Variants in HS6ST2 observed in about 807,000 individuals in gnomAD.
HS6ST2 encodes the protein heparan-sulfate 6-O-sulfotransferase 2.
In HS6ST2, 17 loss-of-function variants were observed where a neutral mutation model predicts 33.0. The ratio of observed to expected loss-of-function variants is 0.52; its 90% CI spans 0.35 to 0.77. The LOEUF is 0.77. Among genes scored for constraint, HS6ST2 ranks in the 30% least tolerant of loss-of-function variants. The pLI is 0.01. For synonymous variants in HS6ST2, 248 were observed against 237.1 expected (o/e 1.05, Z -0.42); for missense variants, 519 against 551.7 (o/e 0.94, Z 0.59).
At chrX:132,753,002 A>G (rs1219954886) in intron 2 of HS6ST2, among the ~76,000 whole-genome samples, 1 of 112,434 alleles carries the variant, frequency 8.9e-6, no homozygotes, top group African/African-American at 3.2e-5. Flanking sequence ...GCTCTTTGCG[A>G]GGATGGCTTT....
At chrX:132,798,177 A>G (rs1474803133) in intron 2 of HS6ST2, among the ~76,000 whole-genome samples, 2 of 110,494 alleles carry the variant, frequency 1.8e-5, no homozygotes, top group Non-Finnish European at 3.8e-5. Context: ...GGAAGGAAGC[A>G]AAAGGGGCCC....
chrX:132,844,901 A>G (rs1483703237), intron 2 of HS6ST2, among the ~76,000 whole-genome samples: 1 of 109,792 alleles, frequency 9.1e-6, no homozygotes, highest in Non-Finnish European at 1.9e-5. Flanking sequence ...GCTGAGCACC[A>G]TACGTCGTGC....
At chrX:132,680,365 C>A (rs1227201654) in intron 3 of HS6ST2, among the ~76,000 whole-genome samples, 1 of 110,788 alleles carries the variant, frequency 9.0e-6, no homozygotes, top group East Asian at 2.8e-4. Context: ...ATGACATGTT[C>A]AGTTTTGAGC....
At chrX:132,852,181 C>T (rs1373337527) in intron 2 of HS6ST2, among the ~76,000 whole-genome samples, 1 of 111,342 alleles carries the variant, frequency 9.0e-6, no homozygotes, top group African/African-American at 3.3e-5. Flanking sequence ...GATATGTATC[C>T]TTTGCATTAT....
upstream of HS6ST2, chrX:132,961,176 C>T (rs899282552): frequency 5.5e-5 from 6 of 108,136 alleles, no homozygotes; most frequent in African/African-American, 1.7e-4. Context: ...GTCAAGTGTT[C>T]GGTTTTCCAT....
At chrX:132,660,934 G>A (rs185192647) in intron 4 of HS6ST2, among the ~76,000 whole-genome samples, 21 of 111,832 alleles carry the variant, frequency 1.9e-4, no homozygotes, top group African/African-American at 6.8e-4. Flanking sequence ...AAGGTGAAGG[G>A]GAAGCAAGGC....
At chrX:132,725,358 A>T (rs780838420) in intron 2 of HS6ST2, among the ~76,000 whole-genome samples, 25 of 112,329 alleles carry the variant, frequency 2.2e-4, no homozygotes, top group African/African-American at 8.1e-4. Context: ...TGGGCAAAAG[A>T]TTTAAACAGA....
At position 132,898,577 on chromosome X, in the gene HS6ST2, A is replaced by T. The variant is rs756893241; in HGVS notation, c.947+58231T>A. ...ACTGGACAAAATACATGAAAAAAAA[A>T]TGGCTTTCAGACACTAGACAACAGT... On this transcript the variant is annotated intron_variant, in intron 2 of 4. Coordinates refer to ENST00000370833, the MANE Select transcript of HS6ST2 (RefSeq NM_001394073.1). 8.2e-5 allele frequency among the ~76,000 whole-genome samples: 9 copies of T among 109,714 alleles called. No individual in the cohort carries two copies. The East Asian group carries it at 1.4e-3, about 18-fold the overall frequency.
upstream of HS6ST2, among the ~76,000 whole-genome samples, chrX:132,961,056 C>T (rs1416345352): frequency 9.2e-6 from 1 of 108,299 alleles, no homozygotes; most frequent in African/African-American, 3.4e-5. Context: ...GAGCCAGTTC[C>T]TCTCAGGCAG....
At chrX:132,636,864 C>G (rs768102668) in intron 4 of HS6ST2, among the ~76,000 whole-genome samples, 2 of 111,940 alleles carry the variant, frequency 1.8e-5, no homozygotes, top group Admixed American at 9.5e-5. Flanking sequence ...TAGCCAGGAA[C>G]TGGGGGTGCT....
intron 1 of HS6ST2, 91 bp from the exon 2 acceptor site, chrX:132,957,417 C>T: frequency 1.0e-6 from 1 of 960,190 alleles, no homozygotes; most frequent in Admixed American, 3.8e-5. Context: ...GGAGCCGCTG[C>T]TGCGCCCCTC....
At chrX:132,925,560 C>T (rs182215719) in intron 2 of HS6ST2, among the ~76,000 whole-genome samples, 5 of 111,292 alleles carry the variant, frequency 4.5e-5, no homozygotes, top group Admixed American at 2.9e-4. Flanking sequence ...CAGCTAGTGT[C>T]GGAGTATTGG....
intron 4 of HS6ST2, among the ~76,000 whole-genome samples, chrX:132,667,370 A>G (rs1209915688): frequency 1.8e-5 from 2 of 112,202 alleles, no homozygotes; most frequent in African/African-American, 6.5e-5. Context: ...CAAAATGTGC[A>G]AAGAGAGAGA....
chrX:132,823,072 G>A (rs1325517457), intron 2 of HS6ST2, among the ~76,000 whole-genome samples: 1 of 112,276 alleles, frequency 8.9e-6, no homozygotes, highest in Non-Finnish European at 1.9e-5. Context: ...GTTACAAACT[G>A]CAAGACTTTG....
chrX:132,677,938 G>A (rs2063936389), intron 3 of HS6ST2, among the ~76,000 whole-genome samples: 1 of 111,821 alleles, frequency 8.9e-6, no homozygotes. Flanking sequence ...TTGACATTGG[G>A]GCATGGGGTA....
chrX:132,661,548 C>A (rs1164972622), intron 4 of HS6ST2, among the ~76,000 whole-genome samples: 1 of 111,526 alleles, frequency 9.0e-6, no homozygotes, highest in Non-Finnish European at 1.9e-5. Flanking sequence ...ATTTAAAAAA[C>A]CCAAATAAAT....
chrX:132,844,088 T>C (rs1400263107), intron 2 of HS6ST2, among the ~76,000 whole-genome samples: 1 of 112,241 alleles, frequency 8.9e-6, no homozygotes, highest in Non-Finnish European at 1.9e-5. Flanking sequence ...TTACATGAGA[T>C]CTGTCAGCAA....
chrX:132,711,575 C>T (rs1459520349), intron 2 of HS6ST2, among the ~76,000 whole-genome samples: 1 of 111,639 alleles, frequency 9.0e-6, no homozygotes, highest in Non-Finnish European at 1.9e-5. Context: ...TCTCTAATAG[C>T]TTTCCCTTGA....
chrX:132,766,076 G>A (rs2064846049), intron 2 of HS6ST2, among the ~76,000 whole-genome samples: 1 of 111,493 alleles, frequency 9.0e-6, no homozygotes, highest in Non-Finnish European at 1.9e-5. Context: ...CCAGACTCAG[G>A]AACCAGAATC....
Sources: allele counts gnomAD v4.1 joint callset (sites outside exome capture counted in the v4.1 genomes callset), GRCh38; gene constraint gnomAD v4.1.1; transcripts MANE v1.5; gene names NCBI Gene and HGNC (gene_info 2026-07-23, HGNC 2026-07-21).